FBXL17: variants seen among roughly 807,000 people sequenced by gnomAD.
The protein encoded by FBXL17 is F-box/LRR-repeat protein 17.
Under a neutral mutation model 66.2 loss-of-function variants are expected in FBXL17, and 22 were observed. The observed-to-expected ratio is 0.33, with a 90% CI of 0.24 to 0.47. The LOEUF (loss-of-function observed/expected upper bound fraction) is 0.47. Ranked by LOEUF, FBXL17 falls within the 20% of genes least tolerant of loss-of-function variation. The probability of loss-of-function intolerance (pLI) is 1.00; values close to 1 mark genes in which losing one functional copy is unlikely to be tolerated. For missense variants in FBXL17, 878 were observed against 948.2 expected (o/e 0.93, Z 0.97); for synonymous variants, 474 against 400.5 (o/e 1.18, Z -2.19).
intron 6 of FBXL17, among the ~76,000 whole-genome samples, chr5:108,180,235 G>C (rs1342537526): frequency 2.6e-5 from 4 of 152,128 alleles, no homozygotes; most frequent in African/African-American, 9.7e-5. Context: ...ATCTGGTTGG[G>C]GGCAGTGGTT....
intron 7 of FBXL17, among the ~76,000 whole-genome samples, chr5:107,926,243 A>G (rs1422962802): frequency 2.6e-5 from 4 of 152,186 alleles, no homozygotes; most frequent in African/African-American, 9.6e-5. Flanking sequence ...ATGGTTCTGC[A>G]GCTGTAACTG....
At chr5:108,055,630 A>AG (rs1261577132) in intron 6 of FBXL17, among the ~76,000 whole-genome samples, 2 of 149,108 alleles carry the variant, frequency 1.3e-5, no homozygotes, top group African/African-American at 5.0e-5. Flanking sequence ...AAAAAAAAAA[A>AG]AGAGAGAAAA....
intron 4 of FBXL17, among the ~76,000 whole-genome samples, chr5:108,301,197 T>G (rs1306433421): frequency 3.3e-5 from 5 of 151,750 alleles, no homozygotes; most frequent in African/African-American, 1.2e-4. Context: ...TCAGTGGACT[T>G]TGGTGCTCAG....
chr5:108,165,230 AAAG>A (rs1348987727), intron 6 of FBXL17, among the ~76,000 whole-genome samples: 1 of 152,240 alleles, frequency 6.6e-6, no homozygotes, highest in Admixed American at 6.5e-5. Context: ...ATTAAAACAA[AAAG>A]AAGTTGAGTG....
At chr5:108,033,704 T>C (rs1746729754) in intron 6 of FBXL17, among the ~76,000 whole-genome samples, 1 of 152,210 alleles carries the variant, frequency 6.6e-6, no homozygotes, top group Non-Finnish European at 1.5e-5. Context: ...AAAGCTGTTA[T>C]ACCATTTTAT....
At chr5:107,902,044 C>T (rs1256803666) in intron 7 of FBXL17, among the ~76,000 whole-genome samples, 1 of 152,148 alleles carries the variant, frequency 6.6e-6, no homozygotes, top group East Asian at 1.9e-4. Flanking sequence ...CAAAACAAGA[C>T]AAAAGAAAAA....
At chr5:107,864,424 T>C (rs1201253384) in intron 8 of FBXL17, among the ~76,000 whole-genome samples, 1 of 152,264 alleles carries the variant, frequency 6.6e-6, no homozygotes, top group African/African-American at 2.4e-5. Context: ...TAATGGTTTC[T>C]TGAGCAGATT....
intron 5 of FBXL17, among the ~76,000 whole-genome samples, chr5:108,218,016 CTTTTT>C (rs752575685): frequency 1.7e-5 from 2 of 120,132 alleles, no homozygotes; most frequent in Non-Finnish European, 3.4e-5. Context: ...AATTTTTTTT[CTTTTT>C]TTTTTTTTTT....
chr5:108,373,076 TTATAA>T (rs1417395450), intron 1 of FBXL17, among the ~76,000 whole-genome samples: 1 of 151,140 alleles, frequency 6.6e-6, no homozygotes, highest in East Asian at 1.9e-4. Flanking sequence ...AACTAAATTG[TTATAA>T]TATATAGTGT....
intron 7 of FBXL17, among the ~76,000 whole-genome samples, chr5:107,959,317 T>C (rs1751797034): frequency 6.6e-6 from 1 of 151,866 alleles, no homozygotes; most frequent in Admixed American, 6.6e-5. Context: ...AATTTACTTT[T>C]GGTAATACAG....
At chr5:107,934,047 A>C (rs1026914452) in intron 7 of FBXL17, among the ~76,000 whole-genome samples, 1 of 152,170 alleles carries the variant, frequency 6.6e-6, no homozygotes, top group African/African-American at 2.4e-5. Context: ...CTGTCTTTTG[A>C]CATCACAGGT....
At chr5:108,154,706 T>C (rs1580525042) in intron 6 of FBXL17, among the ~76,000 whole-genome samples, 3 of 145,904 alleles carry the variant, frequency 2.1e-5, no homozygotes, top group Non-Finnish European at 4.5e-5. Flanking sequence ...TATATACATA[T>C]ATATGTGTAT....
chr5:108,334,451 G>A (rs1044324344), intron 4 of FBXL17, among the ~76,000 whole-genome samples: 3 of 152,072 alleles, frequency 2.0e-5, no homozygotes, highest in African/African-American at 4.8e-5. Context: ...AAGAATAAAG[G>A]GCATCAAACT....
chr5:107,989,979 C>T lies in FBXL17; in HGVS notation c.1822+30946G>A, dbSNP rs148205745. Among the ~76,000 whole-genome samples, 254 of 152,250 alleles carry T rather than the reference C, an allele frequency of 1.7e-3. 1 individual carries two copies. Among genetic ancestry groups the T allele is most frequent in the African/African-American group, 5.9e-3 (246 of 41,568 alleles). On this transcript the variant is annotated intron_variant, in intron 7 of 8. Transcript: ENST00000542267. ...CTGTGAAGTTCTTTTCTTCTCTTCC[C>T]CTAACCCCTTTTCATTTCTCTCAAA...
intron 6 of FBXL17, among the ~76,000 whole-genome samples, chr5:108,131,905 A>G (rs887874669): frequency 1.3e-5 from 2 of 152,146 alleles, no homozygotes; most frequent in African/African-American, 4.8e-5. Flanking sequence ...ATCATATTCA[A>G]TTTAGTATTC....
chr5:108,052,516 G>A (rs1747525225), intron 6 of FBXL17, among the ~76,000 whole-genome samples: 1 of 152,072 alleles, frequency 6.6e-6, no homozygotes, highest in African/African-American at 2.4e-5. Flanking sequence ...TCTTCAAGGA[G>A]AACTACAAAC....
intron 6 of FBXL17, among the ~76,000 whole-genome samples, chr5:108,147,956 T>C (rs1228187673): frequency 6.6e-6 from 1 of 151,046 alleles, no homozygotes; most frequent in Non-Finnish European, 1.5e-5. Flanking sequence ...CCAAACTATC[T>C]TCCCAAACAA....
intron 7 of FBXL17, among the ~76,000 whole-genome samples, chr5:108,008,127 G>T (rs975662753): frequency 6.6e-6 from 1 of 152,110 alleles, no homozygotes; most frequent in African/African-American, 2.4e-5. Flanking sequence ...TCGTACACTG[G>T]TAAGTACAAG....
chr5:108,247,390 A>T (rs1756151576), intron 4 of FBXL17, among the ~76,000 whole-genome samples: 2 of 152,180 alleles, frequency 1.3e-5, no homozygotes, highest in Admixed American at 1.3e-4. Context: ...AGAGAATAAA[A>T]AAGTGCAGGT....
Sources: allele counts gnomAD v4.1 joint callset (sites outside exome capture counted in the v4.1 genomes callset), GRCh38; gene constraint gnomAD v4.1.1; transcripts MANE v1.5; gene names NCBI Gene and HGNC (gene_info 2026-07-23, HGNC 2026-07-21).